NRXN3: variants seen among roughly 807,000 people sequenced by gnomAD.
NRXN3 encodes neurexin 3.
Under a neutral mutation model 137.6 loss-of-function variants are expected in NRXN3, and 32 were observed. The observed-to-expected ratio is 0.23, with a 90% CI of 0.18 to 0.31. The LOEUF (loss-of-function observed/expected upper bound fraction) is 0.31, where lower values mean the gene tolerates loss of function less well. NRXN3 is among the 10% of genes least tolerant of loss of function. NRXN3 has a pLI of 1.00. For synonymous variants in NRXN3, 798 were observed against 784.5 expected (o/e 1.02, Z -0.29); for missense variants, 1,574 against 2,062.5 (o/e 0.76, Z 4.59).
intron 15 of NRXN3, among the ~76,000 whole-genome samples, chr14:79,070,606 G>C (rs1293290016): frequency 1.3e-5 from 2 of 152,098 alleles, no homozygotes; most frequent in African/African-American, 4.8e-5. Flanking sequence ...AGAGATATTT[G>C]CATGTAATCA....
Position 79,663,229 on chromosome 14 carries a change from CAT to C in NRXN3, c.3445-548_3445-547del, listed in dbSNP as rs1015612979. 1.7e-4 allele frequency among the ~76,000 whole-genome samples: 26 copies of C among 151,088 alleles called. 1 individual carries two copies. Among genetic ancestry groups the C allele is most frequent in the African/African-American group, 6.1e-4 (25 of 40,942 alleles). ...TTTGGAACTGCAGAACCATTATGTG[CAT>C]GTGTGTGTGTGTACGCGTGTGTGTG... On this transcript the variant is annotated intron_variant, in intron 16 of 20. Coordinates refer to ENST00000335750, the MANE Select transcript of NRXN3 (RefSeq NM_001330195.2).
chr14:78,723,210 A>G (rs1384796310), intron 8 of NRXN3, among the ~76,000 whole-genome samples: 1 of 152,240 alleles, frequency 6.6e-6, no homozygotes, highest in Non-Finnish European at 1.5e-5. Flanking sequence ...AATTGAATAC[A>G]GAAGACAGGA....
intron 8 of NRXN3, among the ~76,000 whole-genome samples, chr14:78,739,478 T>C (rs1355483995): frequency 6.6e-6 from 1 of 152,142 alleles, no homozygotes; most frequent in Non-Finnish European, 1.5e-5. Context: ...TCTTTATATC[T>C]TGTTTTATTT....
chr14:79,720,414 C>G (rs2098840474), intron 19 of NRXN3, among the ~76,000 whole-genome samples: 2 of 152,124 alleles, frequency 1.3e-5, no homozygotes, highest in African/African-American at 4.8e-5. Flanking sequence ...CCTCTGCCAT[C>G]CTGTTTCACT....
At chr14:78,711,434 CTTTTTTTTTTTTTTT>C (rs35251417) in intron 7 of NRXN3, among the ~76,000 whole-genome samples, 3 of 99,088 alleles carry the variant, frequency 3.0e-5, no homozygotes, top group African/African-American at 4.4e-5. Context: ...ATTCTTTTCT[CTTTTTTTTTTTTTTT>C]TTTTTTTTTG....
chr14:78,425,894 C>T (rs2093645673), intron 4 of NRXN3, among the ~76,000 whole-genome samples: 1 of 152,148 alleles, frequency 6.6e-6, no homozygotes, highest in Non-Finnish European at 1.5e-5. Flanking sequence ...TAACATTTGG[C>T]CCGTAGTCAA....
intron 17 of NRXN3, among the ~76,000 whole-genome samples, chr14:79,679,352 T>G (rs2098657705): frequency 2.0e-5 from 3 of 152,170 alleles, no homozygotes; most frequent in African/African-American, 4.8e-5. Flanking sequence ...TCTTTAGACA[T>G]GTTCCTCAGA....
intron 16 of NRXN3, among the ~76,000 whole-genome samples, chr14:79,582,231 A>T (rs1045523746): frequency 6.6e-6 from 1 of 150,456 alleles, no homozygotes; most frequent in African/African-American, 2.4e-5. Flanking sequence ...AGGCATGAGC[A>T]ACCATGCCCA....
chr14:79,791,380 T>G (rs1489293824), intron 19 of NRXN3: 2 of 150,742 alleles, frequency 1.3e-5, no homozygotes, highest in Non-Finnish European at 3.0e-5. Context: ...TAAACAAGAA[T>G]TCCGAAGTTT....
intron 4 of NRXN3, among the ~76,000 whole-genome samples, chr14:78,372,902 C>T (rs768645146): frequency 3.3e-5 from 5 of 152,000 alleles, no homozygotes; most frequent in South Asian, 4.1e-4. Context: ...TATCATAACA[C>T]GGTAGACATT....
chr14:79,701,228 C>G (rs1031400292), intron 19 of NRXN3, among the ~76,000 whole-genome samples: 4 of 152,052 alleles, frequency 2.6e-5, no homozygotes, highest in African/African-American at 9.7e-5. Flanking sequence ...CTCATATTAG[C>G]TTACATGACC....
At chr14:79,392,026 G>T (rs901870595) in intron 15 of NRXN3, among the ~76,000 whole-genome samples, 1 of 151,912 alleles carries the variant, frequency 6.6e-6, no homozygotes, top group Non-Finnish European at 1.5e-5. Flanking sequence ...TAAGTTCTGA[G>T]ATACATGTGC....
At chr14:79,650,341 T>C (rs2098470117) in intron 16 of NRXN3, among the ~76,000 whole-genome samples, 2 of 152,182 alleles carry the variant, frequency 1.3e-5, no homozygotes, top group Admixed American at 1.3e-4. Flanking sequence ...CTTCATTTTT[T>C]ATATCTCAAT....
chr14:78,857,042 CTATT>C (rs1267577382), intron 10 of NRXN3, among the ~76,000 whole-genome samples: 1 of 152,078 alleles, frequency 6.6e-6, no homozygotes, highest in East Asian at 1.9e-4. Context: ...CTGTGCTGTA[CTATT>C]TATTTTTTTA....
intron 11 of NRXN3, among the ~76,000 whole-genome samples, chr14:78,965,056 G>T (rs918363217): frequency 6.6e-6 from 1 of 152,084 alleles, no homozygotes; most frequent in African/African-American, 2.4e-5. Flanking sequence ...CTTCTGGGTT[G>T]CTAGTCCTCT....
At chr14:79,178,817 G>A (rs2062622029) in intron 15 of NRXN3, among the ~76,000 whole-genome samples, 1 of 152,186 alleles carries the variant, frequency 6.6e-6, no homozygotes, top group African/African-American at 2.4e-5. Context: ...GAAACCAAGT[G>A]ATAAGATGAC....
intron 2 of NRXN3, among the ~76,000 whole-genome samples, chr14:78,262,936 C>G (rs1477091932): frequency 3.9e-5 from 6 of 152,042 alleles, no homozygotes; most frequent in Non-Finnish European, 4.4e-5. Context: ...CAGAGACTTC[C>G]CGATCTACCC....
intron 4 of NRXN3, among the ~76,000 whole-genome samples, chr14:78,299,260 G>A (rs1029812600): frequency 4.6e-5 from 7 of 152,188 alleles, no homozygotes; most frequent in Admixed American, 2.0e-4. Flanking sequence ...AGTTTAGTGA[G>A]GGAGGGAAGG....
At position 78,243,567 on chromosome 14, in the gene NRXN3, T is replaced by A. The variant is rs1309688385; in HGVS notation, c.474T>A (p.Pro158=). The part of the protein sequence containing the change: ...FLGGVPTDIR[P]SALTLDGVQA... ...GTGGAGTCCCTACTGACATACGACC[T>A]TCTGCCCTGACCCTTGATGGAGTTC... The change falls in exon 2 of 21, where the codon CCT becomes CCA. Residue 158 remains proline, a synonymous_variant. Coordinates refer to ENST00000335750, the MANE Select transcript of NRXN3 (RefSeq NM_001330195.2). This position sits in a 1 kb window ranked among gnomAD's most constrained non-coding sequence, Gnocchi z 4.2. 1 of 1,598,276 alleles carries A rather than the reference T, an allele frequency of 6.3e-7. No homozygotes were observed. The highest frequency in any genetic ancestry group is 8.5e-7 in the Non-Finnish European group (1 of 1,179,808).
Sources: allele counts gnomAD v4.1 joint callset (sites outside exome capture counted in the v4.1 genomes callset), GRCh38; gene constraint gnomAD v4.1.1; non-coding constraint Gnocchi (gnomAD v3.1); transcripts MANE v1.5; gene names NCBI Gene and HGNC (gene_info 2026-07-23, HGNC 2026-07-21).